FMN2: variants seen among roughly 807,000 people sequenced by gnomAD.
The protein encoded by FMN2 is formin-2.
In FMN2, 51 loss-of-function variants were observed where a neutral mutation model predicts 142.3. That is an observed-to-expected ratio of 0.36 (90% CI 0.29 to 0.45). The LOEUF is 0.45. FMN2 is among the 20% of genes least tolerant of loss of function. The pLI is 1.00. For missense variants in FMN2, 1,936 were observed against 2,122.8 expected, an observed-to-expected ratio of 0.91 and a Z score of 1.73; for synonymous variants, 882 against 869.8, an observed-to-expected ratio of 1.01 and a Z score of -0.25.
chr1:240,140,296 A>G (rs1295976596), intron 2 of FMN2, among the ~76,000 whole-genome samples: 1 of 152,174 alleles, frequency 6.6e-6, no homozygotes, highest in East Asian at 1.9e-4. Context: ...GCACTTTACA[A>G]TTATTAACTG....
chr1:240,113,371 C>T (rs1661889545), intron 1 of FMN2, among the ~76,000 whole-genome samples: 1 of 151,928 alleles, frequency 6.6e-6, no homozygotes, highest in African/African-American at 2.4e-5. Flanking sequence ...CGAGACCATC[C>T]TGGCTAACAT....
chr1:240,457,977 G>C (rs1676309874), intron 16 of FMN2: 1 of 152,444 alleles, frequency 6.6e-6, no homozygotes, highest in Non-Finnish European at 1.5e-5. Flanking sequence ...GGGTGAATGA[G>C]TGACATCCGC....
chr1:240,328,555 TTTATTTTA>T (rs2103012226), intron 8 of FMN2, among the ~76,000 whole-genome samples: 1 of 132,446 alleles, frequency 7.6e-6, no homozygotes, highest in Non-Finnish European at 1.6e-5. Flanking sequence ...ATATTTACAC[TTTATTTTA>T]TTTATTTATT....
At chr1:240,130,798 A>G (rs1208140395) in intron 2 of FMN2, among the ~76,000 whole-genome samples, 1 of 152,008 alleles carries the variant, frequency 6.6e-6, no homozygotes, top group African/African-American at 2.4e-5. Flanking sequence ...TTTATTTTTC[A>G]GCTCATTCTT....
At chr1:240,278,908 T>C (rs1354492089) in intron 7 of FMN2, among the ~76,000 whole-genome samples, 1 of 152,198 alleles carries the variant, frequency 6.6e-6, no homozygotes, top group African/African-American at 2.4e-5. Context: ...ATTCCTGGCC[T>C]GTCAAGCCAG....
chr1:240,290,733 A>C (rs900548570), intron 7 of FMN2, among the ~76,000 whole-genome samples: 1 of 150,894 alleles, frequency 6.6e-6, no homozygotes, highest in Admixed American at 6.6e-5. Flanking sequence ...AAAATCGTAG[A>C]CAAGAATTGT....
chr1:240,235,383 A>T (rs1667668775), intron 6 of FMN2, among the ~76,000 whole-genome samples: 1 of 151,178 alleles, frequency 6.6e-6, no homozygotes, highest in Admixed American at 6.6e-5. Flanking sequence ...TTTGGATCAG[A>T]TTTTGATTTT....
Position 240,330,592 on chromosome 1 carries a change from C to T in FMN2, c.4438-11C>T, listed in dbSNP as rs746832803. ...ATAAAAGTTGTTTTTTGTTGTTATT[C>T]TGTTTTACAGACATTAAAAAATGGC... On this transcript the variant is annotated splice_polypyrimidine_tract_variant and intron_variant, in intron 10 of 17. Coordinates refer to ENST00000319653, the MANE Select transcript of FMN2 (RefSeq NM_020066.5). 40 of 1,602,522 alleles carry T rather than the reference C, an allele frequency of 2.5e-5. No individual in the cohort carries two copies. In the Middle Eastern group the frequency reaches 5.0e-4, roughly 20 times the overall value.
At chr1:240,321,773 CAG>C (rs1670980742) in intron 8 of FMN2, among the ~76,000 whole-genome samples, 1 of 152,058 alleles carries the variant, frequency 6.6e-6, no homozygotes, top group Admixed American at 6.6e-5. Flanking sequence ...AGACAATAAA[CAG>C]AACTTCAAAA....
intron 8 of FMN2, among the ~76,000 whole-genome samples, chr1:240,326,473 C>T (rs1024610181): frequency 6.6e-6 from 1 of 151,588 alleles, no homozygotes; most frequent in African/African-American, 2.4e-5. Flanking sequence ...TCATCCTTCT[C>T]TTGTATCTTT....
In FMN2 at chr1:240,329,103, A is replaced by G; in HGVS notation, c.4243A>G (p.Ile1415Val). ...AGCACAGTCAGACGAACTCGAAAAA[A>G]TAGAAAAGCATGGCCGATCTTCCAA... ...NRAQSDELEK[I>V]EKHGRSSKDK... Residue 1415 changes from isoleucine to valine, a missense_variant, in exon 9 of 18, where the codon ATA becomes GTA. By Grantham distance (29) the Ile-to-Val change is conservative. Coordinates refer to ENST00000319653, the MANE Select transcript of FMN2 (RefSeq NM_020066.5). 1 of 1,614,118 alleles carries G rather than the reference A, an allele frequency of 6.2e-7. No homozygotes were observed. Among genetic ancestry groups the G allele is most frequent in the Non-Finnish European group, 8.5e-7 (1 of 1,179,990 alleles).
intron 4 of FMN2, among the ~76,000 whole-genome samples, chr1:240,191,918 T>C (rs2103354386): frequency 6.6e-6 from 1 of 152,340 alleles, no homozygotes; most frequent in East Asian, 1.9e-4. Flanking sequence ...AAGTCAGGTC[T>C]TTGAACATTA....
At chr1:240,348,931 C>T (rs1272343104) in intron 13 of FMN2, among the ~76,000 whole-genome samples, 3 of 152,136 alleles carry the variant, frequency 2.0e-5, no homozygotes, top group Admixed American at 2.0e-4. Flanking sequence ...AGTGTCCGGT[C>T]ACTAGCTCTG....
chr1:240,373,263 A>C (rs1672932102), intron 14 of FMN2, among the ~76,000 whole-genome samples: 1 of 152,132 alleles, frequency 6.6e-6, no homozygotes, highest in Non-Finnish European at 1.5e-5. Flanking sequence ...TCTTGCTTCC[A>C]TGTTGACAGC....
At chr1:240,276,506 A>G (rs1482618278) in intron 7 of FMN2, among the ~76,000 whole-genome samples, 23 of 152,194 alleles carry the variant, frequency 1.5e-4, no homozygotes, top group Admixed American at 1.5e-3. Context: ...GAGGATAACA[A>G]TGCACTTGAG....
At chr1:240,097,096 G>A (rs7535406) in intron 1 of FMN2, among the ~76,000 whole-genome samples, 2,588 of 152,112 alleles carry the variant, frequency 0.017, 70 homozygotes, top group African/African-American at 0.058. Context: ...ATGCTAAATC[G>A]CTTTTGATAG....
intron 2 of FMN2, among the ~76,000 whole-genome samples, chr1:240,154,964 G>A (rs1267393942): frequency 6.7e-6 from 1 of 149,066 alleles, no homozygotes; most frequent in Non-Finnish European, 1.5e-5. Flanking sequence ...ATGGCTCACT[G>A]CAGCCTCAAC....
At chr1:240,296,433 GA>G (rs1363038724) in intron 8 of FMN2, among the ~76,000 whole-genome samples, 3 of 99,390 alleles carry the variant, frequency 3.0e-5, no homozygotes, top group African/African-American at 4.1e-5. Flanking sequence ...TAATATCTTT[GA>G]GTGCTTTTTT....
intron 2 of FMN2, among the ~76,000 whole-genome samples, chr1:240,169,769 C>T (rs1417944435): frequency 6.6e-6 from 1 of 152,192 alleles, no homozygotes; most frequent in Non-Finnish European, 1.5e-5. Flanking sequence ...GCCACCAGCA[C>T]ACCTGACCAG....
Sources: gnomAD v4.1 joint callset for allele counts (sites outside exome capture counted in the v4.1 genomes callset) on GRCh38, gnomAD v4.1.1 for gene constraint, MANE v1.5 for transcripts, NCBI Gene and HGNC (gene_info 2026-07-23, HGNC 2026-07-21) for gene names.